The following LPAR6 variants were observed in gnomAD, a reference collection of about 807,000 sequenced individuals.
LPAR6 encodes G-protein coupled purinergic receptor P2Y5.
Under a neutral mutation model 22.0 loss-of-function variants are expected in LPAR6, and 17 were observed. That is an observed-to-expected ratio of 0.77 (90% confidence interval 0.53 to 1.16). The LOEUF (loss-of-function observed/expected upper bound fraction) is 1.16, where lower values mean the gene tolerates loss of function less well. Ranked by LOEUF, LPAR6 falls within the 50% of genes most tolerant of loss-of-function variation. LPAR6 has a pLI of 0.00. For missense variants in LPAR6, 384 were observed against 406.9 expected, an observed-to-expected ratio of 0.94 and a Z score of 0.48; for synonymous variants, 136 against 139.8, an observed-to-expected ratio of 0.97 and a Z score of 0.19.
chr13:48,423,790 G>A (rs977038768), intron 1 of LPAR6, among the ~76,000 whole-genome samples: 1 of 152,170 alleles, frequency 6.6e-6, no homozygotes, highest in African/African-American at 2.4e-5. Context: ...CACTCCTGTA[G>A]TCGAAGCTAC....
intron 2 of LPAR6, among the ~76,000 whole-genome samples, chr13:48,420,402 T>A (rs1056255305): frequency 2.0e-5 from 3 of 152,184 alleles, no homozygotes; most frequent in Non-Finnish European, 4.4e-5. Context: ...TAATAAGAGC[T>A]ATTTATGGCA....
chr13:48,414,083 C>T (rs1948865578), upstream of LPAR6, among the ~76,000 whole-genome samples: 1 of 152,130 alleles, frequency 6.6e-6, no homozygotes, highest in Non-Finnish European at 1.5e-5. Context: ...TGCAGTGGCT[C>T]ACGCCTATAA....
At chr13:48,429,315 T>G (rs1949107041), upstream of LPAR6, 1 of 152,220 alleles carries the variant, frequency 6.6e-6, no homozygotes, top group South Asian at 2.1e-4. Flanking sequence ...CTCTGTAGGC[T>G]GAGGTGGGAA....
intron 1 of LPAR6, among the ~76,000 whole-genome samples, chr13:48,403,479 A>G (rs897423665): frequency 1.1e-4 from 17 of 152,140 alleles, no homozygotes; most frequent in African/African-American, 4.1e-4. Flanking sequence ...GGATACAATA[A>G]AGTAGAGAAA....
chr13:48,412,415 G>C lies in LPAR6; in HGVS notation c.9C>G (p.Ser3Arg). MV[S>R]VNSSHCFYND... The stretch of plus-strand genomic sequence containing the variant: ...TATAGAAGCAGTGGGAGCTGTTAAC[G>C]CTTACCATCGTAAAGGCACGTCCAA... The change falls in exon 1 of 1, where the codon AGC becomes AGG. Residue 3 changes from serine to arginine, a missense_variant. Ser to Arg is a moderately radical substitution (Grantham distance 110). Coordinates refer to ENST00000620633, the MANE Select transcript of LPAR6 (RefSeq NM_001162498.3). The C allele has an allele frequency of 6.2e-7, 1 of 1,612,778 alleles. No homozygotes were observed. Among genetic ancestry groups the C allele is most frequent in the Middle Eastern group, 1.7e-4 (1 of 6,056 alleles).
upstream of LPAR6, among the ~76,000 whole-genome samples, chr13:48,431,837 T>C (rs887952517): frequency 6.6e-6 from 1 of 152,210 alleles, no homozygotes; most frequent in Non-Finnish European, 1.5e-5. Flanking sequence ...AAGACAGGCA[T>C]ATTAAAATTT....
intron 1 of LPAR6, among the ~76,000 whole-genome samples, chr13:48,392,763 TCTC>T (rs946815550): frequency 4.8e-5 from 7 of 147,098 alleles, no homozygotes; most frequent in South Asian, 2.2e-4. Flanking sequence ...TCTCTCTCTC[TCTC>T]TTTTTTTTAA....
chr13:48,401,712 T>C (rs747016453), intron 1 of LPAR6, among the ~76,000 whole-genome samples: 21 of 152,194 alleles, frequency 1.4e-4, no homozygotes, highest in Non-Finnish European at 2.5e-4. Context: ...TTTGGTGTCT[T>C]CCTGTAAGTG....
At chr13:48,432,129 G>T (rs398158) in intron 1 of LPAR6, among the ~76,000 whole-genome samples, 118,851 of 152,040 alleles carry the variant, frequency 0.78, 52,217 homozygotes, top group Non-Finnish European at 0.97. Flanking sequence ...GGAGGTCAAA[G>T]AAGGCCTTGC....
intron 1 of LPAR6, among the ~76,000 whole-genome samples, chr13:48,390,837 A>C (rs971631843): frequency 2.0e-5 from 3 of 152,134 alleles, no homozygotes; most frequent in African/African-American, 7.2e-5. Context: ...TATTTAACTT[A>C]TACGTGTCTT....
At chr13:48,439,407 G>C (rs568178100) in intron 1 of LPAR6, among the ~76,000 whole-genome samples, 1 of 152,172 alleles carries the variant, frequency 6.6e-6, no homozygotes, top group African/African-American at 2.4e-5. Flanking sequence ...GAATCATGAA[G>C]TATAAGGTAA....
At chr13:48,418,045 T>C (rs1203709144), upstream of LPAR6, among the ~76,000 whole-genome samples, 1 of 151,710 alleles carries the variant, frequency 6.6e-6, no homozygotes, top group Non-Finnish European at 1.5e-5. Context: ...ACAAAGATAC[T>C]CCTCAAGAAG....
chr13:48,418,729 G>T (rs1948957203), intron 2 of LPAR6, among the ~76,000 whole-genome samples: 1 of 151,682 alleles, frequency 6.6e-6, no homozygotes, highest in Non-Finnish European at 1.5e-5. Context: ...AAAAAGCAGG[G>T]GTTGCAATCC....
Position 48,412,139 on chromosome 13 carries a change from C to G in LPAR6, c.285G>C (p.Leu95=), listed in dbSNP as rs1173877658. The G allele has an allele frequency of 5.0e-6, 8 of 1,613,716 alleles. No homozygotes were observed. Among genetic ancestry groups the G allele is most frequent in the Non-Finnish European group, 5.9e-6 (7 of 1,179,950 alleles). ...TGCTTCCGTACATGTTGGTATAAAA[C>G]AGCATCACAGAAATCTTACAAAGTA... The part of the protein sequence containing the change: ...GDLLCKISVM[L]FYTNMYGSIL... The change falls in exon 1 of 1, where the codon CTG becomes CTC. Residue 95 remains leucine (L), a synonymous_variant. Coordinates refer to ENST00000620633, the MANE Select transcript of LPAR6 (RefSeq NM_001162498.3).
chr13:48,440,960 C>T (rs1023191734), intron 1 of LPAR6, among the ~76,000 whole-genome samples: 1 of 152,118 alleles, frequency 6.6e-6, no homozygotes, highest in Non-Finnish European at 1.5e-5. Flanking sequence ...AAAAAAGAAT[C>T]CTGCAGACAT....
chr13:48,399,809 A>G (rs900138840), intron 1 of LPAR6, among the ~76,000 whole-genome samples: 2 of 151,988 alleles, frequency 1.3e-5, no homozygotes, highest in African/African-American at 4.8e-5. Flanking sequence ...CCTGAGTCCT[A>G]TGTCTGATCC....
chr13:48,404,486 T>C (rs781354764), intron 1 of LPAR6, among the ~76,000 whole-genome samples: 1 of 151,028 alleles, frequency 6.6e-6, no homozygotes, highest in Non-Finnish European at 1.5e-5. Context: ...GGGCTTCAGA[T>C]GGAAAGGGCC....
chr13:48,402,075 A>G (rs879171097), intron 1 of LPAR6, among the ~76,000 whole-genome samples: 2 of 152,140 alleles, frequency 1.3e-5, no homozygotes, highest in African/African-American at 4.8e-5. Context: ...AAGATGAAAA[A>G]GGTGGAGAAG....
At chr13:48,393,113 G>A (rs1175357593) in intron 1 of LPAR6, among the ~76,000 whole-genome samples, 3 of 152,054 alleles carry the variant, frequency 2.0e-5, no homozygotes, top group Admixed American at 2.0e-4. Context: ...AACTCTTCCT[G>A]ACCCTGTGTC....
Sources: allele counts gnomAD v4.1 joint callset (sites outside exome capture counted in the v4.1 genomes callset), GRCh38; gene constraint gnomAD v4.1.1; transcripts MANE v1.5; gene names NCBI Gene and HGNC (gene_info 2026-07-23, HGNC 2026-07-21).